HUWE1: variants seen among roughly 807,000 people sequenced by gnomAD.
HUWE1 encodes the protein E3 ubiquitin-protein ligase HUWE1.
In HUWE1, 18 loss-of-function variants were observed where a neutral mutation model predicts 299.4. That is an observed-to-expected ratio of 0.06 (90% CI 0.04 to 0.09). HUWE1 has a LOEUF of 0.09. Ranked by LOEUF, HUWE1 falls within the 10% of genes least tolerant of loss-of-function variation. HUWE1 has a pLI of 1.00. For missense variants in HUWE1, 1,832 were observed against 3,462.3 expected, an observed-to-expected ratio of 0.53 and a Z score of 11.82; for synonymous variants, 1,317 against 1,286.1, an observed-to-expected ratio of 1.02 and a Z score of -0.51.
Position 53,560,246 on chromosome X carries a change from T to C in HUWE1, c.7678A>G (p.Thr2560Ala), listed in dbSNP as rs1556939639. ...TTCCCAGGGTAGTGAACATGAATGG[T>C]GTGGCCAGTATTGGCCGTCAGCTGC... The part of the protein sequence containing the change: ...LRQLTANTGH[T>A]IHVHYPGNRQ... Residue 2560 changes from threonine (T) to alanine (A), a missense_variant, in exon 56 of 84, where the codon ACC (threonine) becomes GCC (alanine). Thr to Ala is a moderately conservative substitution (Grantham distance 58). Coordinates refer to ENST00000262854, the MANE Select transcript of HUWE1 (RefSeq NM_031407.7). The C allele has an allele frequency of 8.3e-7, 1 of 1,208,745 alleles. No homozygotes were observed. The highest frequency in any genetic ancestry group is 3.0e-5 in the East Asian group (1 of 33,691).
chrX:53,564,295 C>G (rs1184912868), intron 51 of HUWE1, among the ~76,000 whole-genome samples: 1 of 111,856 alleles, frequency 8.9e-6, no homozygotes, highest in Admixed American at 9.5e-5. Flanking sequence ...GCCCAACGGT[C>G]TCAGGTCAGC....
chrX:53,612,015 G>A (rs2065511592), intron 23 of HUWE1, among the ~76,000 whole-genome samples: 1 of 111,639 alleles, frequency 9.0e-6, no homozygotes, highest in Admixed American at 9.4e-5. Flanking sequence ...TGGGGAGAAG[G>A]GTGACACATA....
intron 3 of HUWE1, among the ~76,000 whole-genome samples, chrX:53,665,174 C>T (rs1315780872): frequency 9.0e-6 from 1 of 111,486 alleles, no homozygotes; most frequent in Non-Finnish European, 1.9e-5. Context: ...AGACACCAGT[C>T]TCCCTATCCT....
At chrX:53,577,520 TCC>T (rs1306278844) in intron 43 of HUWE1, among the ~76,000 whole-genome samples, 8 of 86,138 alleles carry the variant, frequency 9.3e-5, no homozygotes, top group Non-Finnish European at 1.9e-4. Flanking sequence ...CCTCTCCCTC[TCC>T]CTCCCTCTCC....
At chrX:53,684,018 T>A (rs1557054655) in intron 2 of HUWE1, 1 of 287,668 alleles carries the variant, frequency 3.5e-6, no homozygotes, top group East Asian at 4.9e-5. Flanking sequence ...CTCCGCGCGA[T>A]CCCGCGAGAA....
chrX:53,578,587 T>G (rs1166152598), intron 43 of HUWE1, among the ~76,000 whole-genome samples: 3 of 56,170 alleles, frequency 5.3e-5, no homozygotes, highest in Admixed American at 2.1e-4. Flanking sequence ...GGAGGGGGGG[T>G]CAGCCCCCTG....
chrX:53,534,247 G>C, intron 82 of HUWE1, 50 bp from the exon 83 acceptor site: 1 of 1,055,299 alleles, frequency 9.5e-7, no homozygotes, highest in Non-Finnish European at 1.3e-6. Context: ...GCTCCTAGAA[G>C]CAGGGTGGGG....
intron 9 of HUWE1, 90 bp from the exon 10 acceptor site, chrX:53,631,704 C>A: frequency 1.6e-6 from 1 of 631,488 alleles, no homozygotes; most frequent in South Asian, 2.4e-5. Flanking sequence ...GTCTGAAAAC[C>A]AAGATGTCAC....
chrX:53,601,397 G>A (rs1556990550), intron 28 of HUWE1, among the ~76,000 whole-genome samples: 2 of 109,649 alleles, frequency 1.8e-5, no homozygotes, highest in Admixed American at 2.0e-4. Flanking sequence ...TTGCCCAAGC[G>A]GGTCTCGAAC....
intron 7 of HUWE1, among the ~76,000 whole-genome samples, chrX:53,642,079 A>C (rs1357280260): frequency 9.0e-6 from 1 of 111,492 alleles, no homozygotes; most frequent in Non-Finnish European, 1.9e-5. Flanking sequence ...ACTATAATAC[A>C]AGTTATGTGA....
At position 53,627,746 on chromosome X, in the gene HUWE1, C is replaced by T; in HGVS notation, c.1376G>A (p.Arg459Lys). The T allele has an allele frequency of 8.3e-7, 1 of 1,200,870 alleles. No homozygotes were observed. Among genetic ancestry groups the T allele is most frequent in the Non-Finnish European group, 1.1e-6 (1 of 886,241 alleles). The change falls in exon 16 of 84, where the codon AGA becomes AAA. Residue 459 changes from arginine (R) to lysine (K), a missense_variant. Around this residue, in one of 15 missense-constraint regions of HUWE1, gnomAD observed 658 missense variants for 1,282.6 expected, o/e 0.51. Transcript: ENST00000262854. ...SHSGLSIFIYRLEHEVDLCRK... is the reference protein window; with the variant it reads ...SHSGLSIFIYKLEHEVDLCRK... Reference sequence around the variant, plus strand: ...TTCCTTGTATAATAATACCTCAAGTCTATAAATGAAGATAGAAAGTCCACT... The same window carrying T: ...TTCCTTGTATAATAATACCTCAAGTTTATAAATGAAGATAGAAAGTCCACT...
chrX:53,608,703 A>G (rs2065278428), intron 24 of HUWE1, 149 bp downstream of exon 24: 1 of 512,212 alleles, frequency 2.0e-6, no homozygotes, highest in African/African-American at 2.3e-5. Context: ...ACCAGTCTAG[A>G]ACAAAAACAA....
At chrX:53,594,093 T>C (rs1260874888) in intron 31 of HUWE1, among the ~76,000 whole-genome samples, 1 of 109,872 alleles carries the variant, frequency 9.1e-6, no homozygotes, top group Non-Finnish European at 1.9e-5. Context: ...CCAGACTCCA[T>C]CTCAAAAAAA....
chrX:53,613,965 T>A (rs150979105), intron 23 of HUWE1, among the ~76,000 whole-genome samples: 1,225 of 112,327 alleles, frequency 0.011, 22 homozygotes, highest in African/African-American at 0.038. Context: ...CAACAGCTTT[T>A]AAGAATGAGC....
chrX:53,583,426 T>C lies in HUWE1; in HGVS notation c.5520+132A>G. Reference sequence around the variant, plus strand: ...CCAAGCATAGAGTTGGAAAATTCTGTTGGGTGGAGTATACAGTATACATAT... The same window carrying C: ...CCAAGCATAGAGTTGGAAAATTCTGCTGGGTGGAGTATACAGTATACATAT... On this transcript the variant is annotated intron_variant, in intron 42 of 83. Coordinates refer to ENST00000262854, the MANE Select transcript of HUWE1 (RefSeq NM_031407.7). 4 of 513,772 alleles carry C rather than the reference T, an allele frequency of 7.8e-6. No homozygotes were observed. The Admixed American group carries it at 1.1e-4, about 14-fold the overall frequency. 42.3% of individuals were successfully genotyped at this position (513,772 alleles called of 1,213,427 possible).
At chrX:53,548,905 G>A in intron 67 of HUWE1, 54 bp downstream of exon 67, 2 of 1,056,859 alleles carry the variant, frequency 1.9e-6, no homozygotes, top group Non-Finnish European at 2.6e-6. Flanking sequence ...CTTTCACCCA[G>A]GCTCTTGCTG....
At chrX:53,654,808 A>G (rs2068670146) in intron 3 of HUWE1, among the ~76,000 whole-genome samples, 1 of 112,515 alleles carries the variant, frequency 8.9e-6, no homozygotes, top group African/African-American at 3.2e-5. Flanking sequence ...AGGCATCAGA[A>G]TATTAATTCA....
intron 43 of HUWE1, among the ~76,000 whole-genome samples, chrX:53,580,102 GAC>G (rs2063542520): frequency 9.0e-6 from 1 of 111,075 alleles, no homozygotes; most frequent in Non-Finnish European, 1.9e-5. Context: ...TAAGATCAAG[GAC>G]ATATATTTTC....
At chrX:53,675,402 T>C (rs1204636276) in intron 3 of HUWE1, among the ~76,000 whole-genome samples, 1 of 111,637 alleles carries the variant, frequency 9.0e-6, no homozygotes, top group African/African-American at 3.3e-5. Flanking sequence ...TCTCAAAGGC[T>C]GGGGAGGCAC....
Sources: allele counts gnomAD v4.1 joint callset (sites outside exome capture counted in the v4.1 genomes callset), GRCh38; gene constraint gnomAD v4.1.1; regional missense constraint gnomAD v4.1.1; transcripts MANE v1.5; gene names NCBI Gene and HGNC (gene_info 2026-07-23, HGNC 2026-07-21).